Variants in SMAD2 observed in about 807,000 individuals in gnomAD.
SMAD2 encodes SMAD family member 2, also known as MAD homolog 2.
SMAD2 carries 8 observed loss-of-function variants against 64.4 expected under a neutral mutation model. That is an observed-to-expected ratio of 0.12 (90% CI 0.07 to 0.22). The LOEUF is 0.22. Among genes scored for constraint, SMAD2 ranks in the 10% least tolerant of loss-of-function variants. The pLI, the probability that SMAD2 is intolerant of heterozygous loss-of-function variation, is 1.00. For synonymous variants in SMAD2, 203 were observed against 195.8 expected (o/e 1.04, Z -0.31); for missense variants, 289 against 561.2 (o/e 0.51, Z 4.90).
intron 1 of SMAD2, among the ~76,000 whole-genome samples, chr18:47,916,246 A>G (rs2034329393): frequency 1.3e-5 from 2 of 152,126 alleles, no homozygotes; most frequent in African/African-American, 4.8e-5. Context: ...GGGTATCAAG[A>G]TTATAGTAGC....
At chr18:47,875,780 G>A (rs2032228607) in intron 2 of SMAD2, among the ~76,000 whole-genome samples, 1 of 152,000 alleles carries the variant, frequency 6.6e-6, no homozygotes, top group Admixed American at 6.6e-5. Flanking sequence ...GTCTTCATAA[G>A]CTAGCTACTT....
At chr18:47,850,677 T>C (rs1250966219) in intron 7 of SMAD2, among the ~76,000 whole-genome samples, 1 of 38,824 alleles carries the variant, frequency 2.6e-5, no homozygotes, top group African/African-American at 1.2e-4. Context: ...ATATATATAT[T>C]ATATATATAA....
At chr18:47,852,778 A>C (rs570193620) in intron 6 of SMAD2, among the ~76,000 whole-genome samples, 10 of 152,266 alleles carry the variant, frequency 6.6e-5, no homozygotes, top group East Asian at 1.9e-4. Flanking sequence ...GGCTAAATCT[A>C]ATCAAGAAAA....
intron 1 of SMAD2, among the ~76,000 whole-genome samples, chr18:47,900,835 T>C (rs1252004043): frequency 6.6e-6 from 1 of 152,176 alleles, no homozygotes; most frequent in Non-Finnish European, 1.5e-5. Context: ...TAAATTCTTA[T>C]TTTAAGTCAT....
intron 8 of SMAD2, among the ~76,000 whole-genome samples, chr18:47,847,192 G>GT (rs1306996651): frequency 3.3e-5 from 5 of 152,074 alleles, no homozygotes; most frequent in Admixed American, 1.3e-4. Context: ...AACTATTTTA[G>GT]TTAAAGCACC....
intron 1 of SMAD2, among the ~76,000 whole-genome samples, chr18:47,909,861 G>C (rs2034052690): frequency 6.6e-6 from 1 of 152,136 alleles, no homozygotes; most frequent in African/African-American, 2.4e-5. Context: ...ATGTCAAAGT[G>C]ATCTACTTGT....
At chr18:47,851,381 G>C in intron 6 of SMAD2, 54 bp from the exon 7 acceptor site, 1 of 1,181,398 alleles carries the variant, frequency 8.5e-7, no homozygotes, top group Admixed American at 1.7e-5. Flanking sequence ...TTCTGATCAA[G>C]TAATCATAAA....
At chr18:47,897,465 T>C (rs189499045) in intron 1 of SMAD2, among the ~76,000 whole-genome samples, 17 of 152,340 alleles carry the variant, frequency 1.1e-4, no homozygotes, top group East Asian at 3.9e-4. Flanking sequence ...ATTTAAGGAA[T>C]TGTACCTTGT....
In SMAD2 at chr18:47,838,838, A is replaced by G. The variant is rs1913676158; in HGVS notation, c.*2989T>C. 4.3e-6 allele frequency: 1 copy of G among 233,038 alleles called. No homozygotes were observed. Among genetic ancestry groups the G allele is most frequent in the East Asian group, 6.0e-5 (1 of 16,646 alleles). 14.4% of individuals were successfully genotyped at this position (233,038 alleles called of 1,614,324 possible). On this transcript the variant is annotated 3_prime_UTR_variant, in exon 11 of 11. Coordinates refer to ENST00000262160, the MANE Select transcript of SMAD2 (RefSeq NM_005901.6). The stretch of plus-strand genomic sequence containing the variant: ...TACTGGAAAAAATATTACTCATCTT[A>G]GAAATGTGATAGAAAGCATGGCCAT...
At chr18:47,848,372 A>T (rs1032645710) in intron 8 of SMAD2, 103 bp downstream of exon 8, 2 of 860,184 alleles carry the variant, frequency 2.3e-6, no homozygotes, top group African/African-American at 3.3e-5. Flanking sequence ...CCAGAGAGAA[A>T]GCTGGTTTTA....
intron 1 of SMAD2, among the ~76,000 whole-genome samples, chr18:47,900,938 T>C (rs543866121): frequency 4.9e-4 from 74 of 152,322 alleles, no homozygotes; most frequent in Non-Finnish European, 6.0e-4. Context: ...TATTCAATTA[T>C]TAAAATCAAT....
At chr18:47,865,179 A>C in intron 5 of SMAD2, 46 bp from the exon 6 acceptor site, 254 of 996,282 alleles carry the variant, frequency 2.5e-4, no homozygotes, top group Non-Finnish European at 3.8e-4. Flanking sequence ...ACATAATCTC[A>C]CTACCTTTTC....
At chr18:47,868,810 A>T (rs530889064) in intron 4 of SMAD2, among the ~76,000 whole-genome samples, 3 of 152,312 alleles carry the variant, frequency 2.0e-5, no homozygotes, top group East Asian at 1.9e-4. Context: ...CTACTGCTAT[A>T]TTTTTTAATA....
At position 47,868,384 on chromosome 18, in the gene SMAD2, G is replaced by A. The variant is rs748905875; in HGVS notation, c.594C>T (p.His198=). ...GGAAGTTAGTGTTTTCTGGAATGGA[G>A]TGAGTATAGTCATCCAGAGGCGGAA... The part of the protein sequence containing the change: ...TELPPLDDYT[H]SIPENTNFPA... Residue 198 remains histidine (H), a synonymous_variant, in exon 5 of 11, where the codon CAC becomes CAT. Coordinates refer to ENST00000262160, the MANE Select transcript of SMAD2 (RefSeq NM_005901.6). 6.2e-6 allele frequency: 10 copies of A among 1,609,724 alleles called. No homozygotes were observed. The highest frequency in any genetic ancestry group is 2.2e-5 in the East Asian group (1 of 44,864).
chr18:47,880,695 G>A (rs1451415165), intron 2 of SMAD2, among the ~76,000 whole-genome samples: 1 of 152,164 alleles, frequency 6.6e-6, no homozygotes, highest in East Asian at 1.9e-4. Flanking sequence ...AGGTAATTTA[G>A]GATTGTATGC....
chr18:47,907,736 G>T (rs779543720), intron 1 of SMAD2, among the ~76,000 whole-genome samples: 1 of 152,128 alleles, frequency 6.6e-6, no homozygotes, highest in Non-Finnish European at 1.5e-5. Flanking sequence ...CAGATTGCTT[G>T]ATTTCTGGAG....
chr18:47,831,867 TG>T lies in SMAD2; in HGVS notation c.*9959del, dbSNP rs1467484037. 1.3e-5 allele frequency: 2 copies of T among 152,138 alleles called. No individual in the cohort carries two copies. Among genetic ancestry groups the T allele is most frequent in the Admixed American group, 1.3e-4 (2 of 15,250 alleles). 9.4% of individuals were successfully genotyped at this position (152,138 alleles called of 1,614,324 possible). Reference sequence around the variant, plus strand: ...AATTTTTATGTGTAAATTAGCTTTTTGGGTTTTTCTATTCCTTTATTTGTAA... The same window carrying T: ...AATTTTTATGTGTAAATTAGCTTTTTGGTTTTTCTATTCCTTTATTTGTAA... On this transcript the variant is annotated 3_prime_UTR_variant, in exon 11 of 11. Transcript: ENST00000262160.
At chr18:47,872,709 G>A (rs533875172) in intron 2 of SMAD2, among the ~76,000 whole-genome samples, 7 of 152,208 alleles carry the variant, frequency 4.6e-5, no homozygotes, top group African/African-American at 1.4e-4. Context: ...ACATGCGAGG[G>A]CTTTAGGCTG....
At chr18:47,855,090 T>C (rs1340289417) in intron 6 of SMAD2, among the ~76,000 whole-genome samples, 1 of 152,188 alleles carries the variant, frequency 6.6e-6, no homozygotes, top group Non-Finnish European at 1.5e-5. Context: ...TCATATATAG[T>C]AAGTCTTCAT....
Sources: gnomAD v4.1 joint callset for allele counts (sites outside exome capture counted in the v4.1 genomes callset) on GRCh38, gnomAD v4.1.1 for gene constraint, MANE v1.5 for transcripts, NCBI Gene and HGNC (gene_info 2026-07-23, HGNC 2026-07-21) for gene names.